Variants in C11orf65 observed in about 807,000 individuals in gnomAD.
C11orf65 encodes protein MFI.
Under a neutral mutation model 35.3 loss-of-function variants are expected in C11orf65, and 38 were observed. The ratio of observed to expected loss-of-function variants is 1.08; its 90% confidence interval spans 0.83 to 1.41. The LOEUF (loss-of-function observed/expected upper bound fraction) is 1.41. C11orf65 is among the 40% of genes most tolerant of loss of function. The pLI, the probability that C11orf65 is intolerant of heterozygous loss-of-function variation, is 0.00. For synonymous variants in C11orf65, 105 were observed against 114.4 expected (o/e 0.92, Z 0.53); for missense variants, 370 against 367.1 (o/e 1.01, Z -0.06).
At position 108,326,065 on chromosome 11, in the gene C11orf65, A is replaced by G. The variant is rs1565520129; in HGVS notation, c.641-16994T>C. The G allele has an allele frequency of 6.2e-7, 1 of 1,614,070 alleles. No individual in the cohort carries two copies. Among genetic ancestry groups the G allele is most frequent in the South Asian group, 1.1e-5 (1 of 91,084 alleles). ...ATGTCATTTTCATTTCAGCTCCCTG[A>G]AAGGGCAATATTTCAAATTAAACAG... On this transcript the variant is annotated intron_variant, in intron 6 of 6. Transcript: ENST00000525729.
intron 2 of C11orf65, among the ~76,000 whole-genome samples, chr11:108,459,329 T>C (rs192689848): frequency 1.5e-4 from 23 of 152,244 alleles, no homozygotes; most frequent in Non-Finnish European, 2.8e-4. Context: ...TACAAGCAGA[T>C]TTGTGACTAG....
chr11:108,338,080 G>C (rs921558164), intron 2 of C11orf65, among the ~76,000 whole-genome samples: 1 of 152,252 alleles, frequency 6.6e-6, no homozygotes. Context: ...CGGGCATGGT[G>C]GCCCACGCCT....
intron 6 of C11orf65, chr11:108,325,249 G>GTTTTTTT (rs11366542): frequency 3.5e-6 from 2 of 566,214 alleles, no homozygotes; most frequent in African/African-American, 2.4e-5. Context: ...AACTTACATA[G>GTTTTTTT]TTTTTTTTTT....
chr11:108,318,583 G>A (rs1383878536), intron 6 of C11orf65, among the ~76,000 whole-genome samples: 7 of 151,760 alleles, frequency 4.6e-5, no homozygotes, highest in South Asian at 2.1e-4. Context: ...CAAGCTACTC[G>A]GGAGGCTGAG....
chr11:108,330,801 T>C (rs1234861773), downstream of C11orf65, among the ~76,000 whole-genome samples: 1 of 152,192 alleles, frequency 6.6e-6, no homozygotes, highest in Admixed American at 6.5e-5. Flanking sequence ...GTTTTCCCCC[T>C]GCTGCAGAAA....
chr11:108,439,033 A>G (rs1431272758), intron 2 of C11orf65, among the ~76,000 whole-genome samples: 1 of 152,122 alleles, frequency 6.6e-6, no homozygotes, highest in African/African-American at 2.4e-5. Flanking sequence ...CTTTTTGTGC[A>G]TCAAAGGACA....
chr11:108,436,022 G>C (rs1422718009), intron 2 of C11orf65, among the ~76,000 whole-genome samples: 1 of 151,902 alleles, frequency 6.6e-6, no homozygotes, highest in Non-Finnish European at 1.5e-5. Flanking sequence ...AGAAGAGTCA[G>C]CAAGAGTGGT....
At chr11:108,407,914 A>T (rs376470433) in intron 3 of C11orf65, among the ~76,000 whole-genome samples, 1 of 138,456 alleles carries the variant, frequency 7.2e-6, no homozygotes, top group East Asian at 2.1e-4. Flanking sequence ...CCTGGGCGAC[A>T]GAGCAAGACT....
chr11:108,394,209 A>G lies in C11orf65; in HGVS notation c.561-831T>C, dbSNP rs2092250253. 2.7e-5 allele frequency among the ~76,000 whole-genome samples: 4 copies of G among 148,442 alleles called. No homozygotes were observed. In the South Asian group the frequency reaches 8.6e-4, roughly 32 times the overall value. On this transcript the variant is annotated intron_variant, in intron 6 of 8. Coordinates refer to ENST00000393084, the MANE Select transcript of C11orf65 (RefSeq NM_152587.5). The stretch of plus-strand genomic sequence containing the variant: ...AAAAAAAAAAAAAAAAGACACAGCC[A>G]TTTGTGGCAGCTATTTTTATTCCCC...
At chr11:108,436,866 T>C (rs890502563) in intron 2 of C11orf65, among the ~76,000 whole-genome samples, 24 of 152,126 alleles carry the variant, frequency 1.6e-4, no homozygotes, top group Non-Finnish European at 1.0e-4. Context: ...AGTCCAGATT[T>C]CTATGAAATG....
intron 2 of C11orf65, among the ~76,000 whole-genome samples, chr11:108,372,266 T>C (rs2091594017): frequency 6.6e-6 from 1 of 152,226 alleles, no homozygotes; most frequent in African/African-American, 2.4e-5. Context: ...CGATCTCGGC[T>C]CACTGCAACC....
At chr11:108,417,565 A>C (rs75005171) in intron 3 of C11orf65, among the ~76,000 whole-genome samples, 4 of 25,544 alleles carry the variant, frequency 1.6e-4, no homozygotes, top group East Asian at 1.2e-3. Flanking sequence ...AAAAACAAAC[A>C]AACAAAAAAA....
chr11:108,461,054 G>C (rs964587150), intron 2 of C11orf65, among the ~76,000 whole-genome samples: 3 of 151,894 alleles, frequency 2.0e-5, no homozygotes, highest in Non-Finnish European at 2.9e-5. Context: ...GTGAAGAATG[G>C]CACACAATTC....
At chr11:108,431,141 G>A (rs192635336) in intron 3 of C11orf65, among the ~76,000 whole-genome samples, 218 of 151,930 alleles carry the variant, frequency 1.4e-3, no homozygotes, top group Non-Finnish European at 2.5e-3. Context: ...AGGATAATTT[G>A]TTGCTCACCA....
At chr11:108,409,945 C>T (rs1003250727) in intron 3 of C11orf65, among the ~76,000 whole-genome samples, 6 of 152,112 alleles carry the variant, frequency 3.9e-5, no homozygotes, top group African/African-American at 1.4e-4. Flanking sequence ...GTCCCTGGCA[C>T]CAAAAAGTTA....
intron 6 of C11orf65, among the ~76,000 whole-genome samples, chr11:108,315,516 T>C (rs1181742557): frequency 6.6e-6 from 1 of 152,150 alleles, no homozygotes; most frequent in East Asian, 1.9e-4. Context: ...GACATAACTT[T>C]TAAAAAATTT....
chr11:108,413,616 A>G (rs528144532), intron 3 of C11orf65, among the ~76,000 whole-genome samples: 36 of 152,296 alleles, frequency 2.4e-4, no homozygotes, highest in Non-Finnish European at 4.0e-4. Flanking sequence ...TCTTAGAGGA[A>G]GCGCTTTCAA....
At chr11:108,423,420 G>C (rs893373070) in intron 3 of C11orf65, among the ~76,000 whole-genome samples, 1 of 152,194 alleles carries the variant, frequency 6.6e-6, no homozygotes, top group Non-Finnish European at 1.5e-5. Context: ...CAATTACTGA[G>C]GCTAGAGTAG....
At chr11:108,355,692 T>G (rs1251661312) in intron 2 of C11orf65, 1 of 152,244 alleles carries the variant, frequency 6.6e-6, no homozygotes, top group African/African-American at 2.4e-5. Flanking sequence ...TAAAAAACAT[T>G]GATGCTGATC....
Sources: gnomAD v4.1 joint callset for allele counts (sites outside exome capture counted in the v4.1 genomes callset) on GRCh38, gnomAD v4.1.1 for gene constraint, MANE v1.5 for transcripts, NCBI Gene and HGNC (gene_info 2026-07-23, HGNC 2026-07-21) for gene names.